Variants in RASGRF2 observed in about 807,000 individuals in gnomAD.
RASGRF2 encodes the protein ras-specific guanine nucleotide-releasing factor 2.
RASGRF2 carries 76 observed loss-of-function variants against 151.0 expected under a neutral mutation model. The observed-to-expected ratio is 0.50, with a 90% confidence interval of 0.42 to 0.61. RASGRF2 has a LOEUF of 0.61. RASGRF2 is among the 20% of genes least tolerant of loss of function. The pLI is 0.00. For synonymous variants in RASGRF2, 504 were observed against 566.5 expected (o/e 0.89, Z 1.57); for missense variants, 1,148 against 1,564.6 (o/e 0.73, Z 4.49).
At chr5:81,204,056 T>G (rs185088934) in intron 19 of RASGRF2, 1 of 152,352 alleles carries the variant, frequency 6.6e-6, no homozygotes, top group Admixed American at 6.5e-5. Flanking sequence ...AGAGGAATTT[T>G]CTATTCATAC....
chr5:81,070,156 C>G (rs1751729030), intron 3 of RASGRF2: 1 of 255,864 alleles, frequency 3.9e-6, no homozygotes, highest in Non-Finnish European at 7.8e-6. Flanking sequence ...CAGCCACCTT[C>G]AGGCGAGGGG....
At chr5:81,131,260 G>T (rs1416605638) in intron 17 of RASGRF2, among the ~76,000 whole-genome samples, 1 of 152,054 alleles carries the variant, frequency 6.6e-6, no homozygotes, top group Non-Finnish European at 1.5e-5. Context: ...TTTATTTGTG[G>T]GTGGTGCCCT....
rs1250952563 is a variant in RASGRF2, at chr5:81,180,238, G to A, written c.2750G>A (p.Arg917Gln). 2 of 1,612,506 alleles carry A rather than the reference G, an allele frequency of 1.2e-6. No individual in the cohort carries two copies. Among genetic ancestry groups the A allele is most frequent in the African/African-American group, 1.3e-5 (1 of 74,802 alleles). ...EFIIRRTATN[R>Q]VLNVLRHWVS... ...ATTATACGGAGAACGGCTACCAATC[G>A]AGTTCTGAACGTCCTCCGTCACTGG... is the stretch of plus-strand genomic sequence containing the variant. Residue 917 changes from arginine to glutamine, a missense_variant, in exon 18 of 27, where the codon CGA (arginine) becomes CAA (glutamine). Around this residue, in one of 5 missense-constraint regions of RASGRF2, gnomAD observed 646 missense variants for 807.4 expected, o/e 0.80. Transcript: ENST00000265080.
In RASGRF2 at chr5:81,172,471, GTGTT is replaced by G. The variant is rs200505039; in HGVS notation, c.2687-7702_2687-7699del. 1.3e-3 allele frequency among the ~76,000 whole-genome samples: 167 copies of G among 126,748 alleles called. No homozygotes were observed. In the East Asian group the frequency reaches 0.048, roughly 37 times the overall value. The allele number at this position is 126,748 out of a possible 152,430, so 83.2% of individuals were successfully genotyped here. A position where few individuals can be genotyped will look rare whatever the true frequency, so the allele number is the denominator to read the frequency against. On this transcript the variant is annotated intron_variant, in intron 17 of 26. Transcript: ENST00000265080. Reference sequence around the variant, plus strand: ...TGTGTGTGTGTGTGTGTGTGTGTGTGTGTTTATTGTTACAGTTAACTGCACTTAG... The same window carrying G: ...TGTGTGTGTGTGTGTGTGTGTGTGTGTATTGTTACAGTTAACTGCACTTAG...
chr5:81,113,081 G>C (rs1037762670), intron 14 of RASGRF2, among the ~76,000 whole-genome samples: 7 of 151,932 alleles, frequency 4.6e-5, no homozygotes, highest in African/African-American at 1.7e-4. Flanking sequence ...GCCTTTGCTT[G>C]TTCTGTGATT....
At chr5:81,139,573 C>T (rs1753835771) in intron 17 of RASGRF2, among the ~76,000 whole-genome samples, 1 of 151,628 alleles carries the variant, frequency 6.6e-6, no homozygotes. Context: ...ACCATATTGG[C>T]CAGGCTGTTC....
chr5:81,192,598 G>A (rs1442569023), intron 18 of RASGRF2, among the ~76,000 whole-genome samples: 1 of 152,224 alleles, frequency 6.6e-6, no homozygotes, highest in Non-Finnish European at 1.5e-5. Flanking sequence ...CCCCTGCAGA[G>A]GCTCTCATCC....
At chr5:81,053,915 A>G (rs1580257799) in intron 2 of RASGRF2, among the ~76,000 whole-genome samples, 1 of 152,306 alleles carries the variant, frequency 6.6e-6, no homozygotes, top group South Asian at 2.1e-4. Flanking sequence ...TTGGCTGCAT[A>G]AATGTCTTCT....
At chr5:81,153,330 A>G (rs1355272121) in intron 17 of RASGRF2, among the ~76,000 whole-genome samples, 2 of 152,224 alleles carry the variant, frequency 1.3e-5, no homozygotes, top group Non-Finnish European at 2.9e-5. Flanking sequence ...AGGCAGGTCC[A>G]ATATACTCAC....
intron 2 of RASGRF2, among the ~76,000 whole-genome samples, chr5:81,053,231 T>G (rs1020191992): frequency 2.0e-5 from 3 of 150,324 alleles, no homozygotes; most frequent in African/African-American, 7.3e-5. Flanking sequence ...ACCCATTAAC[T>G]CATCATTTAC....
At chr5:81,153,842 T>C (rs1754193298) in intron 17 of RASGRF2, among the ~76,000 whole-genome samples, 1 of 142,188 alleles carries the variant, frequency 7.0e-6, no homozygotes, top group African/African-American at 2.7e-5. Context: ...AAGACACAAA[T>C]AAATTGAAAG....
At chr5:81,089,166 T>TA (rs1306632651) in intron 9 of RASGRF2, among the ~76,000 whole-genome samples, 1 of 152,228 alleles carries the variant, frequency 6.6e-6, no homozygotes, top group Non-Finnish European at 1.5e-5. Context: ...CACTTTTACA[T>TA]AGCACCCTTA....
chr5:81,002,288 T>A (rs1209697129), intron 1 of RASGRF2, among the ~76,000 whole-genome samples: 1 of 152,234 alleles, frequency 6.6e-6, no homozygotes, highest in Non-Finnish European at 1.5e-5. Flanking sequence ...ATTATTTAGT[T>A]GCATTTTCCC....
chr5:81,119,284 A>G (rs1048609708), intron 15 of RASGRF2, among the ~76,000 whole-genome samples: 1 of 152,250 alleles, frequency 6.6e-6, no homozygotes, highest in African/African-American at 2.4e-5. Flanking sequence ...ACAGAAATGT[A>G]TCTCTCACAG....
At chr5:81,152,576 A>G (rs1229436968) in intron 17 of RASGRF2, among the ~76,000 whole-genome samples, 2 of 151,996 alleles carry the variant, frequency 1.3e-5, no homozygotes, top group Non-Finnish European at 2.9e-5. Context: ...TGTAGATGCT[A>G]TGATGTATTA....
intron 18 of RASGRF2, among the ~76,000 whole-genome samples, chr5:81,192,312 G>A (rs1005508453): frequency 7.2e-5 from 11 of 152,234 alleles, no homozygotes; most frequent in African/African-American, 1.9e-4. Flanking sequence ...AGTATTGAAC[G>A]TGTATTGGAA....
chr5:80,994,710 C>T (rs1478882846), intron 1 of RASGRF2, among the ~76,000 whole-genome samples: 1 of 152,194 alleles, frequency 6.6e-6, no homozygotes, highest in Non-Finnish European at 1.5e-5. Context: ...GAGCTTGAAA[C>T]AACATTGCCT....
intron 25 of RASGRF2, among the ~76,000 whole-genome samples, chr5:81,218,219 C>T (rs1290982421): frequency 6.6e-6 from 1 of 152,180 alleles, no homozygotes; most frequent in African/African-American, 2.4e-5. Context: ...GATACTGGGA[C>T]TAATACCCGA....
intron 15 of RASGRF2, among the ~76,000 whole-genome samples, chr5:81,117,163 G>A (rs565614040): frequency 3.7e-4 from 57 of 152,310 alleles, no homozygotes; most frequent in African/African-American, 1.2e-3. Flanking sequence ...CTAGGACAAA[G>A]TAGAAATCAA....
Sources: gnomAD v4.1 joint callset for allele counts (sites outside exome capture counted in the v4.1 genomes callset) on GRCh38, gnomAD v4.1.1 for gene constraint, gnomAD v4.1.1 regional missense constraint, MANE v1.5 for transcripts, NCBI Gene and HGNC (gene_info 2026-07-23, HGNC 2026-07-21) for gene names.